The following BACH2 variants were observed in gnomAD, a reference collection of about 807,000 sequenced individuals.
BACH2 encodes transcription regulator protein BACH2.
BACH2 carries 5 observed loss-of-function variants against 61.8 expected under a neutral mutation model. That is an observed-to-expected ratio of 0.08 (90% CI 0.04 to 0.17). The LOEUF (loss-of-function observed/expected upper bound fraction) is 0.17, where lower values mean the gene tolerates loss of function less well. Among genes scored for constraint, BACH2 ranks in the 10% least tolerant of loss-of-function variants. The pLI is 1.00. For missense variants in BACH2, 824 were observed against 1,091.1 expected (o/e 0.76, Z 3.45); for synonymous variants, 446 against 440.1 (o/e 1.01, Z -0.17).
At chr6:90,141,875 G>A (rs1784473262) in intron 4 of BACH2, among the ~76,000 whole-genome samples, 1 of 152,212 alleles carries the variant, frequency 6.6e-6, no homozygotes, top group Non-Finnish European at 1.5e-5. Flanking sequence ...AAGGCCAGGA[G>A]TTCGAGACCA....
At chr6:90,184,703 A>G (rs929462349) in intron 4 of BACH2, among the ~76,000 whole-genome samples, 1 of 152,190 alleles carries the variant, frequency 6.6e-6, no homozygotes, top group Non-Finnish European at 1.5e-5. Context: ...GAGGCCAGGG[A>G]TGGTCTCTGT....
chr6:90,060,122 T>C (rs547703399), intron 5 of BACH2, among the ~76,000 whole-genome samples: 1 of 147,790 alleles, frequency 6.8e-6, no homozygotes, highest in East Asian at 2.0e-4. Flanking sequence ...ACTTAAAGTA[T>C]AATAACAGTA....
intron 5 of BACH2, among the ~76,000 whole-genome samples, chr6:90,011,719 G>C (rs112306049): frequency 0.093 from 14,062 of 151,972 alleles, 686 homozygotes; most frequent in East Asian, 0.18. Flanking sequence ...TCAGGAGTTC[G>C]AGACCAGCCT....
chr6:90,241,797 T>C (rs1009278329), intron 3 of BACH2, among the ~76,000 whole-genome samples: 1 of 139,688 alleles, frequency 7.2e-6, no homozygotes, highest in Non-Finnish European at 1.6e-5. Context: ...ACACATAAGA[T>C]AAATGAAAAA....
At chr6:90,170,398 C>T (rs891070187) in intron 4 of BACH2, among the ~76,000 whole-genome samples, 1 of 152,128 alleles carries the variant, frequency 6.6e-6, no homozygotes, top group Non-Finnish European at 1.5e-5. Context: ...TCTCCTCCAA[C>T]CAGAATGTAA....
At chr6:90,163,873 T>C (rs1767500244) in intron 4 of BACH2, among the ~76,000 whole-genome samples, 1 of 152,226 alleles carries the variant, frequency 6.6e-6, no homozygotes, top group Non-Finnish European at 1.5e-5. Context: ...CACCAGCTCA[T>C]GTGTACAAAT....
chr6:89,993,146 C>G (rs1323767170), intron 6 of BACH2, among the ~76,000 whole-genome samples: 4 of 152,172 alleles, frequency 2.6e-5, no homozygotes, highest in Admixed American at 2.0e-4. Context: ...GCCTCTAGAA[C>G]TAAGAGAAAA....
intron 4 of BACH2, among the ~76,000 whole-genome samples, chr6:90,205,202 G>A (rs958362965): frequency 6.6e-6 from 1 of 152,178 alleles, no homozygotes; most frequent in Non-Finnish European, 1.5e-5. Context: ...GCTTTCTAAA[G>A]TCTAGAGATT....
chr6:89,998,692 C>CT (rs540354097), intron 6 of BACH2, among the ~76,000 whole-genome samples: 185 of 146,424 alleles, frequency 1.3e-3, no homozygotes, highest in Middle Eastern at 3.5e-3. Flanking sequence ...TCTTTTTTCC[C>CT]TTTTTTTTTT....
At chr6:89,992,325 CT>C (rs1447816018) in intron 6 of BACH2, among the ~76,000 whole-genome samples, 2 of 152,190 alleles carry the variant, frequency 1.3e-5, no homozygotes, top group African/African-American at 4.8e-5. Context: ...TGTTTTTCTG[CT>C]TAAAAATATA....
intron 6 of BACH2, among the ~76,000 whole-genome samples, chr6:89,998,425 T>A (rs1453993315): frequency 6.6e-6 from 1 of 152,160 alleles, no homozygotes; most frequent in African/African-American, 2.4e-5. Flanking sequence ...TGTCAACATA[T>A]TTTAGGAGTC....
chr6:89,999,720 GA>G (rs1562357886), intron 6 of BACH2, among the ~76,000 whole-genome samples: 3 of 152,074 alleles, frequency 2.0e-5, no homozygotes. Context: ...ATGGGAGAAA[GA>G]AAGAAACATG....
intron 4 of BACH2, among the ~76,000 whole-genome samples, chr6:90,199,630 A>G (rs190119436): frequency 4.2e-4 from 64 of 152,288 alleles, no homozygotes; most frequent in African/African-American, 1.5e-3. Context: ...TCCCAGTACA[A>G]GGCAGGTGGA....
intron 5 of BACH2, among the ~76,000 whole-genome samples, chr6:90,011,413 CTTTTGTTTT>C (rs1363394019): frequency 2.0e-5 from 3 of 151,776 alleles, no homozygotes; most frequent in Admixed American, 1.3e-4. Context: ...TGTTTGTCTA[CTTTTGTTTT>C]TTTTGGAGAC....
chr6:90,112,676 T>C (rs2127816610), intron 4 of BACH2, among the ~76,000 whole-genome samples: 1 of 152,268 alleles, frequency 6.6e-6, no homozygotes, highest in South Asian at 2.1e-4. Flanking sequence ...CCAGTGTTAC[T>C]TGCAAAGCAA....
intron 4 of BACH2, among the ~76,000 whole-genome samples, chr6:90,122,136 G>A (rs927746291): frequency 1.3e-5 from 2 of 152,196 alleles, no homozygotes; most frequent in Non-Finnish European, 2.9e-5. Context: ...AATGACACAC[G>A]TCCAGGCAAA....
chr6:90,225,974 C>T (rs1769899798), intron 3 of BACH2, among the ~76,000 whole-genome samples: 1 of 152,148 alleles, frequency 6.6e-6, no homozygotes, highest in Admixed American at 6.6e-5. Context: ...TGAAACTTGT[C>T]ACTAGCTCAG....
At chr6:90,119,343 A>C (rs535570326) in intron 4 of BACH2, among the ~76,000 whole-genome samples, 2 of 152,350 alleles carry the variant, frequency 1.3e-5, no homozygotes, top group Admixed American at 1.3e-4. Context: ...TATAATACGA[A>C]GACTTAATGA....
At chr6:89,966,784 CA>C (rs1775069225) in intron 6 of BACH2, among the ~76,000 whole-genome samples, 1 of 152,212 alleles carries the variant, frequency 6.6e-6, no homozygotes, top group African/African-American at 2.4e-5. Context: ...ATGACATTGA[CA>C]GTGACTGGGT....
Sources: gnomAD v4.1 joint callset for allele counts (sites outside exome capture counted in the v4.1 genomes callset) on GRCh38, gnomAD v4.1.1 for gene constraint, MANE v1.5 for transcripts, NCBI Gene and HGNC (gene_info 2026-07-23, HGNC 2026-07-21) for gene names.